Variants in NRG3 observed in about 807,000 individuals in gnomAD.
NRG3 encodes neuregulin 3, also known as pro-neuregulin-3, membrane-bound isoform.
A neutral mutation model predicts 66.9 loss-of-function variants in NRG3; 31 were observed. The observed-to-expected ratio is 0.46, with a 90% confidence interval of 0.35 to 0.63. NRG3 has a LOEUF of 0.63. Ranked by LOEUF, NRG3 falls within the 20% of genes least tolerant of loss-of-function variation. The pLI is 0.00. For missense variants in NRG3, 910 were observed against 878.9 expected, an observed-to-expected ratio of 1.04 and a Z score of -0.45; for synonymous variants, 393 against 359.4, an observed-to-expected ratio of 1.09 and a Z score of -1.06.
At chr10:82,639,970 G>A (rs545963707) in intron 2 of NRG3, among the ~76,000 whole-genome samples, 82 of 151,990 alleles carry the variant, frequency 5.4e-4, no homozygotes, top group African/African-American at 1.9e-3. Context: ...CCCTCTATGT[G>A]TCCATGTGTT....
At chr10:82,090,657 G>C (rs1302443583) in intron 1 of NRG3, among the ~76,000 whole-genome samples, 3 of 152,136 alleles carry the variant, frequency 2.0e-5, no homozygotes, top group African/African-American at 7.2e-5. Context: ...AAATGGGGTT[G>C]AAACCATGTC....
chr10:82,951,689 A>G (rs2132361870), intron 5 of NRG3, 118 bp downstream of exon 5: 2 of 788,614 alleles, frequency 2.5e-6, no homozygotes, highest in Non-Finnish European at 4.2e-6. Context: ...GTCTAGCAAC[A>G]ATCTGCAAGT....
chr10:81,877,512 A>G (rs950870552), intron 1 of NRG3, among the ~76,000 whole-genome samples: 3 of 152,210 alleles, frequency 2.0e-5, no homozygotes, highest in Non-Finnish European at 2.9e-5. Flanking sequence ...GTCATCTGCT[A>G]ATTTTTCATT....
At chr10:82,354,622 T>A (rs1047579763) in intron 1 of NRG3, among the ~76,000 whole-genome samples, 2 of 152,122 alleles carry the variant, frequency 1.3e-5, no homozygotes, top group African/African-American at 4.8e-5. Context: ...CAACTCCTGA[T>A]CTCAGGTGAT....
chr10:82,669,716 C>T (rs751288590), intron 2 of NRG3, among the ~76,000 whole-genome samples: 71 of 152,114 alleles, frequency 4.7e-4, no homozygotes, highest in Non-Finnish European at 6.0e-4. Flanking sequence ...ATCACGAGGT[C>T]AGGAGATCGA....
intron 2 of NRG3, among the ~76,000 whole-genome samples, chr10:82,670,210 T>G (rs575703763): frequency 6.6e-6 from 1 of 152,148 alleles, no homozygotes; most frequent in Non-Finnish European, 1.5e-5. Context: ...CTACTCATCA[T>G]GTCTCCCTCT....
intron 1 of NRG3, among the ~76,000 whole-genome samples, chr10:81,988,382 C>T (rs1055611394): frequency 2.0e-5 from 3 of 152,092 alleles, no homozygotes; most frequent in African/African-American, 7.3e-5. Flanking sequence ...TAAGCATGCC[C>T]GGCTTTGATA....
chr10:82,479,430 G>A (rs1842047603), intron 2 of NRG3, among the ~76,000 whole-genome samples: 1 of 151,764 alleles, frequency 6.6e-6, no homozygotes, highest in Non-Finnish European at 1.5e-5. Flanking sequence ...CGGGCGCGGT[G>A]GCTCATGCCT....
At chr10:82,739,585 T>G (rs1400536641) in intron 3 of NRG3, among the ~76,000 whole-genome samples, 1 of 152,212 alleles carries the variant, frequency 6.6e-6, no homozygotes, top group Non-Finnish European at 1.5e-5. Flanking sequence ...TTCCAACATC[T>G]TTTCAAAATG....
intron 1 of NRG3, among the ~76,000 whole-genome samples, chr10:82,269,921 C>G (rs542593469): frequency 6.6e-6 from 1 of 152,196 alleles, no homozygotes; most frequent in African/African-American, 2.4e-5. Context: ...CCTAACTCAG[C>G]CATGTGCTTC....
intron 2 of NRG3, among the ~76,000 whole-genome samples, chr10:82,674,642 T>C (rs1402849693): frequency 3.3e-5 from 5 of 152,162 alleles, no homozygotes; most frequent in Non-Finnish European, 7.3e-5. Context: ...CAGCACTCTA[T>C]ATCTGATAAC....
intron 2 of NRG3, among the ~76,000 whole-genome samples, chr10:82,502,984 T>C (rs564930922): frequency 1.3e-5 from 2 of 152,198 alleles, no homozygotes; most frequent in African/African-American, 4.8e-5. Flanking sequence ...TCTGATATGT[T>C]GTGAAGAGTA....
At chr10:82,910,897 T>C (rs981957984) in intron 4 of NRG3, among the ~76,000 whole-genome samples, 1 of 152,078 alleles carries the variant, frequency 6.6e-6, no homozygotes. Flanking sequence ...ACATAGTAAC[T>C]GAAGACACAG....
chr10:82,913,608 C>G (rs1845541864), intron 4 of NRG3, among the ~76,000 whole-genome samples: 1 of 152,172 alleles, frequency 6.6e-6, no homozygotes, highest in Non-Finnish European at 1.5e-5. Context: ...TTTCCATTAA[C>G]ATTTGAAATA....
At chr10:82,327,580 C>T (rs1408828944) in intron 1 of NRG3, among the ~76,000 whole-genome samples, 1 of 152,180 alleles carries the variant, frequency 6.6e-6, no homozygotes, top group Admixed American at 6.5e-5. Context: ...TAGGGACCCT[C>T]ATATCCCCCA....
intron 1 of NRG3, among the ~76,000 whole-genome samples, chr10:82,167,154 G>T (rs2072145625): frequency 6.6e-6 from 1 of 151,488 alleles, no homozygotes; most frequent in Non-Finnish European, 1.5e-5. Flanking sequence ...TTCCTCATTG[G>T]TCTTATTTTT....
chr10:82,551,485 G>A (rs181198449), intron 2 of NRG3, among the ~76,000 whole-genome samples: 4 of 152,020 alleles, frequency 2.6e-5, no homozygotes, highest in African/African-American at 9.6e-5. Flanking sequence ...CTAGTAATAT[G>A]ATCTTTGCAT....
At chr10:82,427,433 AT>A (rs1232560376) in intron 2 of NRG3, among the ~76,000 whole-genome samples, 2 of 152,236 alleles carry the variant, frequency 1.3e-5, no homozygotes, top group East Asian at 3.9e-4. Flanking sequence ...TATCATGGAG[AT>A]TATAAGTTAT....
chr10:82,292,195 G>C (rs2079786508), intron 1 of NRG3, among the ~76,000 whole-genome samples: 1 of 151,778 alleles, frequency 6.6e-6, no homozygotes, highest in African/African-American at 2.4e-5. Context: ...AATATAGAGA[G>C]AGCAAATAAG....
Sources: gnomAD v4.1 joint callset for allele counts (sites outside exome capture counted in the v4.1 genomes callset) on GRCh38, gnomAD v4.1.1 for gene constraint, MANE v1.5 for transcripts, NCBI Gene and HGNC (gene_info 2026-07-23, HGNC 2026-07-21) for gene names.